Variants in GNAL observed in about 807,000 individuals in gnomAD.
GNAL encodes guanine nucleotide-binding protein G(olf) subunit alpha.
GNAL carries 18 observed loss-of-function variants against 55.1 expected under a neutral mutation model. That is an observed-to-expected ratio of 0.33 (90% confidence interval 0.23 to 0.48). The LOEUF is 0.48. GNAL is among the 20% of genes least tolerant of loss of function. The probability of loss-of-function intolerance (pLI) is 0.99; values close to 1 mark genes in which losing one functional copy is unlikely to be tolerated. For synonymous variants in GNAL, 253 were observed against 237.0 expected (o/e 1.07, Z -0.62); for missense variants, 412 against 614.1 (o/e 0.67, Z 3.48).
At chr18:11,783,190 A>G (rs1315425428) in intron 4 of GNAL, among the ~76,000 whole-genome samples, 1 of 152,182 alleles carries the variant, frequency 6.6e-6, no homozygotes, top group Admixed American at 6.6e-5. Context: ...ACCACCTCAC[A>G]TTCAACAGAA....
At chr18:11,706,243 A>C (rs1237220949) in intron 1 of GNAL, among the ~76,000 whole-genome samples, 1 of 151,626 alleles carries the variant, frequency 6.6e-6, no homozygotes, top group Non-Finnish European at 1.5e-5. Flanking sequence ...AAAGAAAGTC[A>C]CATGAATTTT....
At chr18:11,704,156 G>T (rs1405790822) in intron 1 of GNAL, among the ~76,000 whole-genome samples, 4 of 150,294 alleles carry the variant, frequency 2.7e-5, no homozygotes, top group Admixed American at 6.6e-5. Context: ...GAACATCATG[G>T]GTCCCACAGT....
At chr18:11,846,462 T>TACACACACACACACACAC (rs1357598485) in intron 5 of GNAL, among the ~76,000 whole-genome samples, 1 of 20,196 alleles carries the variant, frequency 5.0e-5, no homozygotes, top group East Asian at 4.4e-3. Flanking sequence ...TATATATAAA[T>TACACACACACACACACAC]ATACACACAC....
chr18:11,782,981 T>C (rs1690269929), intron 4 of GNAL, among the ~76,000 whole-genome samples: 1 of 152,236 alleles, frequency 6.6e-6, no homozygotes, highest in African/African-American at 2.4e-5. Flanking sequence ...ACTGAGGTTA[T>C]ATCCCCATAA....
intron 4 of GNAL, among the ~76,000 whole-genome samples, chr18:11,789,855 A>T (rs1374592507): frequency 2.0e-5 from 3 of 152,234 alleles, no homozygotes; most frequent in Non-Finnish European, 2.9e-5. Context: ...TGTCAGTGTA[A>T]TAAGATGCAG....
intron 10 of GNAL, among the ~76,000 whole-genome samples, chr18:11,875,944 G>A (rs1011159022): frequency 6.6e-6 from 1 of 151,446 alleles, no homozygotes; most frequent in Non-Finnish European, 1.5e-5. Context: ...TCCTCACATG[G>A]TGGAGAGGGT....
chr18:11,781,399 A>G (rs1598452329), intron 4 of GNAL, among the ~76,000 whole-genome samples: 1 of 152,158 alleles, frequency 6.6e-6, no homozygotes, highest in East Asian at 1.9e-4. Flanking sequence ...CTTATAATAG[A>G]TATGCACATT....
intron 4 of GNAL, among the ~76,000 whole-genome samples, chr18:11,785,349 G>T (rs1228151348): frequency 6.6e-6 from 1 of 152,216 alleles, no homozygotes; most frequent in African/African-American, 2.4e-5. Flanking sequence ...AAGGCAGATG[G>T]AAGTATGGGA....
intron 4 of GNAL, among the ~76,000 whole-genome samples, chr18:11,767,223 A>G (rs1488278121): frequency 1.3e-5 from 2 of 149,476 alleles, no homozygotes; most frequent in Non-Finnish European, 3.0e-5. Context: ...GTGCACCCTT[A>G]TGCTTACACA....
chr18:11,853,398 T>C (rs1168651432), intron 5 of GNAL: 5 of 167,140 alleles, frequency 3.0e-5, no homozygotes, highest in Non-Finnish European at 1.5e-5. Flanking sequence ...CGCTTTCTCA[T>C]AGCCTCGAAA....
intron 1 of GNAL, among the ~76,000 whole-genome samples, chr18:11,716,061 A>T (rs2031956588): frequency 6.6e-6 from 1 of 152,208 alleles, no homozygotes; most frequent in South Asian, 2.1e-4. Context: ...GGGAGTGTAA[A>T]TTAGTTTAAC....
intron 5 of GNAL, among the ~76,000 whole-genome samples, chr18:11,846,972 T>A (rs954868417): frequency 6.6e-6 from 1 of 151,814 alleles, no homozygotes; most frequent in African/African-American, 2.4e-5. Flanking sequence ...CAGAGGAAAA[T>A]ATATATATAC....
intron 4 of GNAL, among the ~76,000 whole-genome samples, chr18:11,757,327 C>T (rs183376044): frequency 1.1e-4 from 16 of 150,780 alleles, no homozygotes; most frequent in Non-Finnish European, 2.1e-4. Context: ...TCCAGACACA[C>T]GAAGCTTTGG....
Position 11,689,362 on chromosome 18 carries a change from A to G in GNAL, c.-202A>G. On this transcript the variant is annotated 5_prime_UTR_variant, in exon 1 of 12. Coordinates refer to ENST00000334049, the MANE Select transcript of GNAL (RefSeq NM_182978.4). ...AAAATGCAAAATGACCCTCTGGGGC[A>G]GTGAGGGGCTGTGGCCCTCGGCCCC... The G allele has an allele frequency of 2.9e-6, 1 of 347,886 alleles. No homozygotes were observed. The highest frequency in any genetic ancestry group is 5.2e-6 in the Non-Finnish European group (1 of 193,696). 21.5% of individuals were successfully genotyped at this position (347,886 alleles called of 1,614,324 possible).
intron 1 of GNAL, among the ~76,000 whole-genome samples, chr18:11,748,895 C>T (rs1212456160): frequency 3.9e-5 from 6 of 152,054 alleles, no homozygotes; most frequent in East Asian, 1.9e-4. Context: ...GAGGCCGAGG[C>T]GGTTGGATCA....
At chr18:11,738,692 G>T (rs1048325616) in intron 1 of GNAL, among the ~76,000 whole-genome samples, 2 of 152,046 alleles carry the variant, frequency 1.3e-5, no homozygotes, top group Admixed American at 6.6e-5. Context: ...CAAGTGATCC[G>T]CCTGCCTCGG....
chr18:11,752,675 C>T lies in GNAL; in HGVS notation c.377-178C>T. The T allele has an allele frequency of 7.8e-7, 1 of 1,278,086 alleles. No homozygotes were observed. Among genetic ancestry groups the T allele is most frequent in the South Asian group, 1.9e-5 (1 of 53,988 alleles). The allele number at this position is 1,278,086 out of a possible 1,614,324, so 79.2% of individuals were successfully genotyped here. A position where few individuals can be genotyped will look rare whatever the true frequency, so the allele number is the denominator to read the frequency against. ...TGGGCGGGCAGGGCCGGGCGAGGGT[C>T]GCGCGCACCTCTGGGCCGCGGAGCC... On this transcript the variant is annotated intron_variant, in intron 1 of 11. Coordinates refer to ENST00000334049, the MANE Select transcript of GNAL (RefSeq NM_182978.4). This position sits in a 1 kb window ranked among gnomAD's most constrained non-coding sequence, Gnocchi z 4.5.
In GNAL at chr18:11,703,795, G is replaced by GCGCACACACACACA. The variant is rs1311432181; in HGVS notation, c.376+13857_376+13858insGCACACACACACAC. ...GGGATAGGAGGCCCAGTGTTGATGGGCACACACACACACACACACACACAC... is the reference window on the plus strand; with the variant it reads ...GGGATAGGAGGCCCAGTGTTGATGGGCGCACACACACACACACACACACACACACACACACACAC... On this transcript the variant is annotated intron_variant, in intron 1 of 11. Transcript: ENST00000334049. Among the ~76,000 whole-genome samples the GCGCACACACACACA allele has an allele frequency of 1.5e-3, 215 of 141,494 alleles. 1 individual carries two copies. The highest frequency in any genetic ancestry group is 5.3e-3 in the African/African-American group (201 of 37,948). 92.8% of individuals were successfully genotyped at this position (141,494 alleles called of 152,430 possible). A position where few individuals can be genotyped will look rare whatever the true frequency, so the allele number is the denominator to read the frequency against.
intron 10 of GNAL, 33 bp downstream of exon 10, chr18:11,872,431 G>A (rs2036418589): frequency 7.9e-6 from 11 of 1,386,770 alleles, no homozygotes; most frequent in Non-Finnish European, 1.1e-5. Flanking sequence ...TATGATTGAG[G>A]AATAGAATTG....
Sources: allele counts gnomAD v4.1 joint callset (sites outside exome capture counted in the v4.1 genomes callset), GRCh38; gene constraint gnomAD v4.1.1; non-coding constraint Gnocchi (gnomAD v3.1); transcripts MANE v1.5; gene names NCBI Gene and HGNC (gene_info 2026-07-23, HGNC 2026-07-21).